Variants in MATN3 observed in about 807,000 individuals in gnomAD.
The protein encoded by MATN3 is matrilin-3.
In MATN3, 48 loss-of-function variants were observed where a neutral mutation model predicts 45.3. That is an observed-to-expected ratio of 1.06 (90% CI 0.84 to 1.35). The LOEUF is 1.35. Among genes scored for constraint, MATN3 ranks in the 40% most tolerant of loss-of-function variants. The pLI, the probability that MATN3 is intolerant of heterozygous loss-of-function variation, is 0.00. For missense variants in MATN3, 599 were observed against 628.0 expected (o/e 0.95, Z 0.49); for synonymous variants, 217 against 245.9 (o/e 0.88, Z 1.10).
rs201590662 is a variant in MATN3, at chr2:20,006,157, T to C, written c.377A>G (p.Asn126Ser). The C allele has an allele frequency of 6.2e-7, 1 of 1,614,014 alleles. No individual in the cohort carries two copies. The highest frequency in any genetic ancestry group is 8.5e-7 in the Non-Finnish European group (1 of 1,179,902). Residue 126 changes from asparagine (N) to serine (S), a missense_variant, in exon 2 of 8, where the codon AAC becomes AGC. Asn to Ser is a conservative substitution (Grantham distance 46). Transcript: ENST00000407540. ...CTCGATCTTCACAGTGCTAGCATAG[T>C]TCACCACTGCCACCCGCGTGTCGGC... Reference protein sequence around the residue: ...GPADTRVAVVNYASTVKIEFQ... With the variant: ...GPADTRVAVVSYASTVKIEFQ...
chr2:19,993,791 C>T (rs147409847), intron 7 of MATN3, among the ~76,000 whole-genome samples: 1 of 152,166 alleles, frequency 6.6e-6, no homozygotes, highest in African/African-American at 2.4e-5. Flanking sequence ...TTGAACTGTT[C>T]TGAGAAACTT....
rs555388051 is a variant in MATN3, at chr2:19,996,662, A to C, written c.1294+472T>G. Reference sequence around the variant, plus strand: ...GGGGCAAATGTAGTAGAAAAGTTTTAAAAGCCAGGATGAGAGAAGTAGTTA... The same window carrying C: ...GGGGCAAATGTAGTAGAAAAGTTTTCAAAGCCAGGATGAGAGAAGTAGTTA... On this transcript the variant is annotated intron_variant, in intron 6 of 7. Transcript: ENST00000407540. 3.2e-3 allele frequency among the ~76,000 whole-genome samples: 484 copies of C among 152,288 alleles called. 4 individuals carry two copies. Among genetic ancestry groups the C allele is most frequent in the African/African-American group, 0.011 (465 of 41,568 alleles).
intron 7 of MATN3, among the ~76,000 whole-genome samples, chr2:19,993,455 G>C (rs892249076): frequency 3.9e-5 from 6 of 152,294 alleles, no homozygotes; most frequent in Non-Finnish European, 8.8e-5. Flanking sequence ...TGTTTATGAA[G>C]TATTGATTAA....
intron 4 of MATN3, among the ~76,000 whole-genome samples, chr2:20,000,952 C>T (rs567335563): frequency 1.3e-5 from 2 of 152,172 alleles, no homozygotes; most frequent in African/African-American, 2.4e-5. Flanking sequence ...AATTGTAGTT[C>T]AACCCTCTCC....
At position 20,000,464 on chromosome 2, in the gene MATN3, T is replaced by C. The variant is rs1384734171; in HGVS notation, c.1145A>G (p.Asn382Ser). 1 of 1,609,858 alleles carries C rather than the reference T, an allele frequency of 6.2e-7. No individual in the cohort carries two copies. The highest frequency in any genetic ancestry group is 8.5e-7 in the Non-Finnish European group (1 of 1,178,382). Residue 382 changes from asparagine to serine, a missense_variant, in exon 5 of 8, where the codon AAT (asparagine) becomes AGT (serine). Coordinates refer to ENST00000407540, the MANE Select transcript of MATN3 (RefSeq NM_002381.5). ...ACCTGAACATGTTTTTTTATCTGCA[T>C]TCAGAGTGTAGCCCTCATAGCATTC... ...HCECYEGYTL[N>S]ADKKTCSVRD...
chr2:20,012,484 G>A lies in MATN3; in HGVS notation c.148C>T (p.Arg50Cys). The A allele has an allele frequency of 8.1e-7, 1 of 1,229,308 alleles. No individual in the cohort carries two copies. The highest frequency in any genetic ancestry group is 1.0e-6 in the Non-Finnish European group (1 of 986,524). The allele number at this position is 1,229,308 out of a possible 1,614,324, so 76.2% of individuals were successfully genotyped here. A position where few individuals can be genotyped will look rare whatever the true frequency, so the allele number is the denominator to read the frequency against. ...ETRGPGGSPGRRPSPAAPDGA... is the reference protein window; with the variant it reads ...ETRGPGGSPGCRPSPAAPDGA... ...TCGGGAGCCGCAGGAGAGGGGCGGC[G>A]TCCAGGGCTGCCCCCGGGACCTCGG... Residue 50 changes from arginine (R) to cysteine (C), a missense_variant, in exon 1 of 8, where the codon CGC (arginine) becomes TGC (cysteine). Transcript: ENST00000407540. This position sits in a 1 kb window ranked among gnomAD's most constrained non-coding sequence, Gnocchi z 4.3.
At chr2:20,005,620 G>A (rs1057116161) in intron 2 of MATN3, 124 bp downstream of exon 2, 41 of 776,718 alleles carry the variant, frequency 5.3e-5, no homozygotes, top group Middle Eastern at 3.7e-4. Flanking sequence ...ACACACACAC[G>A]CATTGGATAT....
Position 20,012,583 on chromosome 2 carries a change from G to A in MATN3, c.49C>T (p.Leu17Phe). 8.2e-7 allele frequency: 1 copy of A among 1,225,444 alleles called. No individual in the cohort carries two copies. Among genetic ancestry groups the A allele is most frequent in the Non-Finnish European group, 1.0e-6 (1 of 984,628 alleles). 75.9% of individuals were successfully genotyped at this position (1,225,444 alleles called of 1,614,324 possible). Residue 17 changes from leucine (L) to phenylalanine (F), a missense_variant, in exon 1 of 8, where the codon CTC becomes TTC. Leu to Phe is a conservative substitution (Grantham distance 22, BLOSUM62 0). Transcript: ENST00000407540. The surrounding 1 kb of genome is among the most constrained non-coding windows in gnomAD (Gnocchi z 4.3). ...ARRLPGLLLLLWPLLLLPSAA... is the reference protein window; with the variant it reads ...ARRLPGLLLLFWPLLLLPSAA... ...GAGGGCAGCAGCAGCAGCGGCCAGA[G>A]CAGCAGGAGGAGTCCCGGGAGGCGG...
intron 6 of MATN3, 130 bp from the exon 7 acceptor site, chr2:19,994,539 A>G (rs1672823755): frequency 1.6e-6 from 1 of 612,660 alleles, no homozygotes; most frequent in South Asian, 2.0e-5. Flanking sequence ...CAAGAGGTAA[A>G]GGGATAGATG....
chr2:20,007,081 G>A (rs1241641922), intron 1 of MATN3, among the ~76,000 whole-genome samples: 1 of 152,196 alleles, frequency 6.6e-6, no homozygotes, highest in African/African-American at 2.4e-5. Context: ...GGTAGTGGGT[G>A]CCTGTATTCC....
rs886794654 is a variant in MATN3, at chr2:20,012,466, C to G, written c.166G>C (p.Ala56Pro). The G allele has an allele frequency of 1.2e-4, 143 of 1,229,236 alleles. No homozygotes were observed. Among genetic ancestry groups the G allele is most frequent in the Non-Finnish European group, 1.4e-4 (141 of 986,434 alleles). 76.1% of individuals were successfully genotyped at this position (1,229,236 alleles called of 1,614,324 possible). Reference protein sequence around the residue: ...GSPGRRPSPAAPDGAPASGTS... With the variant: ...GSPGRRPSPAPPDGAPASGTS... ...CCGGAAGCGGGCGCGCCGTCGGGAGCCGCAGGAGAGGGGCGGCGTCCAGGG... is the reference window on the plus strand; with the variant it reads ...CCGGAAGCGGGCGCGCCGTCGGGAGGCGCAGGAGAGGGGCGGCGTCCAGGG... Residue 56 changes from alanine (A) to proline (P), a missense_variant, in exon 1 of 8, where the codon GCT becomes CCT. Physicochemically the swap from Ala to Pro is conservative, Grantham distance 27 (BLOSUM62 -1). Transcript: ENST00000407540. This position sits in a 1 kb window ranked among gnomAD's most constrained non-coding sequence, Gnocchi z 4.3.
At chr2:20,004,602 T>A (rs1282568377) in intron 2 of MATN3, among the ~76,000 whole-genome samples, 2 of 152,192 alleles carry the variant, frequency 1.3e-5, no homozygotes, top group African/African-American at 4.8e-5. Context: ...TCATCTCCCT[T>A]TTCCTGACAA....
At position 19,995,773 on chromosome 2, in the gene MATN3, T is replaced by C. The variant is rs934044826; in HGVS notation, c.1294+1361A>G. ...CTTCCAATGGAGTAATTCTATTGCCTGAGGACAGGAAATGGTCCTTTGCTG... is the reference window on the plus strand; with the variant it reads ...CTTCCAATGGAGTAATTCTATTGCCCGAGGACAGGAAATGGTCCTTTGCTG... On this transcript the variant is annotated intron_variant, in intron 6 of 7. Transcript: ENST00000407540. This position sits in a 1 kb window ranked among gnomAD's most constrained non-coding sequence, Gnocchi z 4.2. 6.6e-6 allele frequency among the ~76,000 whole-genome samples: 1 copy of C among 152,208 alleles called. No individual in the cohort carries two copies. Among genetic ancestry groups the C allele is most frequent in the East Asian group, 1.9e-4 (1 of 5,198 alleles).
rs1213842585 is a variant in MATN3 at position 19,992,516 on chromosome 2, A to G, written c.*595T>C. ...CTTTCAAAGACCAGAATGAATTAAA[A>G]ATGGCAATGTAATGTTCACTTGATC... On this transcript the variant is annotated 3_prime_UTR_variant, in exon 8 of 8. Transcript: ENST00000407540. The G allele has an allele frequency of 1.3e-5, 2 of 152,236 alleles. No individual in the cohort carries two copies. Among genetic ancestry groups the G allele is most frequent in the African/African-American group, 4.8e-5 (2 of 41,458 alleles). 9.4% of individuals were successfully genotyped at this position (152,236 alleles called of 1,614,324 possible).
intron 2 of MATN3, among the ~76,000 whole-genome samples, chr2:20,005,341 G>A (rs887805723): frequency 6.6e-6 from 1 of 152,178 alleles, no homozygotes; most frequent in African/African-American, 2.4e-5. Context: ...TAGATCTAGA[G>A]ATGGTAAAAC....
Position 20,005,855 on chromosome 2 carries a change from T to C in MATN3, c.679A>G (p.Met227Val), listed in dbSNP as rs1477615595. ...LYAVGVDRAD[M>V]ASLKMMASEP... Reference sequence around the variant, plus strand: ...CTGGCCATCATCTTGAGGGACGCCATGTCTGCCCGGTCCACGCCCACAGCA... The same window carrying C: ...CTGGCCATCATCTTGAGGGACGCCACGTCTGCCCGGTCCACGCCCACAGCA... Residue 227 changes from methionine (M) to valine (V), a missense_variant, in exon 2 of 8, where the codon ATG becomes GTG. Coordinates refer to ENST00000407540, the MANE Select transcript of MATN3 (RefSeq NM_002381.5). 8 of 1,609,826 alleles carry C rather than the reference T, an allele frequency of 5.0e-6. No homozygotes were observed. The highest frequency in any genetic ancestry group is 2.7e-5 in the African/African-American group (2 of 74,844).
At chr2:19,999,602 G>A (rs572918930) in intron 5 of MATN3, among the ~76,000 whole-genome samples, 84 of 145,612 alleles carry the variant, frequency 5.8e-4, no homozygotes, top group African/African-American at 1.8e-3. Flanking sequence ...GTAGGTGTCC[G>A]GTATTTTTTT....
chr2:19,993,668 T>G (rs931552218), intron 7 of MATN3, among the ~76,000 whole-genome samples: 8 of 152,190 alleles, frequency 5.3e-5, no homozygotes, highest in Non-Finnish European at 7.3e-5. Flanking sequence ...ATTTGGAAAT[T>G]GATTCTTTCC....
chr2:20,002,051 C>A lies in MATN3; in HGVS notation c.946G>T (p.Gly316Ter). The change falls in exon 4 of 8, where the codon GGA (glycine) becomes TGA (stop). Residue 316 changes from glycine to a stop codon, truncating the protein, a stop_gained. Transcript: ENST00000407540. LOFTEE classifies it high-confidence loss of function. ...ALDRCALNTH[G>*]CEHICVNDRS... is the part of the protein sequence containing the mutation. ...TCATTCACACAGATGTGCTCACATC[C>A]GTGGGTGTTAAGAGCACACCTATCA... 1 of 1,612,440 alleles carries A rather than the reference C, an allele frequency of 6.2e-7. No homozygotes were observed. Among genetic ancestry groups the A allele is most frequent in the Middle Eastern group, 1.7e-4 (1 of 6,038 alleles).
Sources: allele counts gnomAD v4.1 joint callset (sites outside exome capture counted in the v4.1 genomes callset), GRCh38; gene constraint gnomAD v4.1.1; non-coding constraint Gnocchi (gnomAD v3.1); transcripts MANE v1.5; gene names NCBI Gene and HGNC (gene_info 2026-07-23, HGNC 2026-07-21).